FRMPD4: variants seen among roughly 807,000 people sequenced by gnomAD.
The protein encoded by FRMPD4 is FERM and PDZ domain-containing protein 4.
A neutral mutation model predicts 94.1 loss-of-function variants in FRMPD4; 22 were observed. The ratio of observed to expected loss-of-function variants is 0.23; its 90% CI spans 0.17 to 0.33. The LOEUF is 0.33. FRMPD4 is among the 10% of genes least tolerant of loss of function. The pLI is 1.00. For synonymous variants in FRMPD4, 631 were observed against 548.6 expected, an observed-to-expected ratio of 1.15 and a Z score of -2.10; for missense variants, 1,111 against 1,339.9, an observed-to-expected ratio of 0.83 and a Z score of 2.67.
intron 4 of FRMPD4, among the ~76,000 whole-genome samples, chrX:12,616,564 A>T (rs1221521253): frequency 8.9e-6 from 1 of 112,202 alleles, no homozygotes; most frequent in Non-Finnish European, 1.9e-5. Flanking sequence ...AGGAGCAGAC[A>T]CTGAGACTTG....
chrX:12,005,198 A>G (rs1274975241), intron 3 of FRMPD4, among the ~76,000 whole-genome samples: 1 of 108,967 alleles, frequency 9.2e-6, no homozygotes, highest in Non-Finnish European at 1.9e-5. Context: ...AGTGCTTAAG[A>G]ATCATCTGGA....
At chrX:12,141,219 C>T (rs1345888174) in intron 1 of FRMPD4, among the ~76,000 whole-genome samples, 1 of 111,834 alleles carries the variant, frequency 8.9e-6, no homozygotes, top group African/African-American at 3.3e-5. Flanking sequence ...GATAATCTTC[C>T]TAAAGGATTT....
rs1414955911 is a variant in FRMPD4, at chrX:12,274,995, C to A, written c.41+135983C>A. Among the ~76,000 whole-genome samples the A allele has an allele frequency of 2.9e-4, 33 of 112,007 alleles. No individual in the cohort carries two copies. The Admixed American group carries it at 3.1e-3, about 11-fold the overall frequency. ...CTGCACTCCAGCCCGGGCAACAGAG[C>A]GAGACTCCATCTCAAAAAAATAAAC... On this transcript the variant is annotated intron_variant, in intron 1 of 16. Coordinates refer to ENST00000675598, the MANE Select transcript of FRMPD4 (RefSeq NM_001368397.1).
chrX:12,656,095 C>T (rs1276981327), intron 4 of FRMPD4, among the ~76,000 whole-genome samples: 2 of 112,246 alleles, frequency 1.8e-5, no homozygotes, highest in East Asian at 5.5e-4. Context: ...ATCTCCACAT[C>T]CACTCAAGAA....
At chrX:12,599,502 A>G in intron 2 of FRMPD4, among the ~76,000 whole-genome samples, 1 of 111,931 alleles carries the variant, frequency 8.9e-6, no homozygotes, top group East Asian at 2.8e-4. Flanking sequence ...CTGTCTCTTC[A>G]TCACTCAAAC....
rs5979605 is a variant in FRMPD4 at position 12,348,274 on chromosome X, A to C, written c.42-150406A>C. ...AGCTGATGACCCTATTTAGATGTTCAGCATTCTCCATCCACTGAAGTCAAC... is the reference window on the plus strand; with the variant it reads ...AGCTGATGACCCTATTTAGATGTTCCGCATTCTCCATCCACTGAAGTCAAC... On this transcript the variant is annotated intron_variant, in intron 1 of 16. Coordinates refer to ENST00000675598, the MANE Select transcript of FRMPD4 (RefSeq NM_001368397.1). Among the ~76,000 whole-genome samples, 942 of 112,070 alleles carry C rather than the reference A, an allele frequency of 8.4e-3. 13 individuals are homozygous for C. Among genetic ancestry groups the C allele is most frequent in the African/African-American group, 0.029 (900 of 30,827 alleles).
At chrX:11,986,156 C>T (rs2054428298) in intron 3 of FRMPD4, among the ~76,000 whole-genome samples, 1 of 112,457 alleles carries the variant, frequency 8.9e-6, no homozygotes, top group Admixed American at 9.4e-5. Flanking sequence ...CACAGGGATG[C>T]TTGTGTCATG....
At chrX:12,655,099 T>C (rs2059639217) in intron 4 of FRMPD4, among the ~76,000 whole-genome samples, 1 of 112,638 alleles carries the variant, frequency 8.9e-6, no homozygotes, top group Non-Finnish European at 1.9e-5. Flanking sequence ...CTTGTTCTTA[T>C]ATTGTGATTG....
chrX:12,257,810 A>G (rs777597915), intron 1 of FRMPD4, among the ~76,000 whole-genome samples: 11 of 111,347 alleles, frequency 9.9e-5, no homozygotes, highest in African/African-American at 2.0e-4. Flanking sequence ...AAAAACATCT[A>G]TATATGCTTT....
chrX:12,047,369 A>T (rs1415875791), intron 3 of FRMPD4, among the ~76,000 whole-genome samples: 2 of 111,743 alleles, frequency 1.8e-5, no homozygotes, highest in Non-Finnish European at 3.8e-5. Context: ...TGTATTTCAG[A>T]ACTTATGATA....
At chrX:12,680,826 G>C (rs1051796696) in intron 5 of FRMPD4, among the ~76,000 whole-genome samples, 6 of 110,517 alleles carry the variant, frequency 5.4e-5, no homozygotes, top group Non-Finnish European at 1.1e-4. Flanking sequence ...TAGTACATAA[G>C]GTTATTTGCC....
At chrX:12,221,842 T>C (rs2056871918) in intron 1 of FRMPD4, among the ~76,000 whole-genome samples, 1 of 111,558 alleles carries the variant, frequency 9.0e-6, no homozygotes, top group African/African-American at 3.3e-5. Flanking sequence ...AATGATATAA[T>C]AGCGACATCA....
At chrX:11,885,762 A>G (rs770746250) in intron 3 of FRMPD4, among the ~76,000 whole-genome samples, 3 of 110,660 alleles carry the variant, frequency 2.7e-5, no homozygotes, top group Non-Finnish European at 3.8e-5. Context: ...TACTTAATGC[A>G]ATTTTATATC....
At position 12,364,287 on chromosome X, in the gene FRMPD4, G is replaced by A. The variant is rs145291498; in HGVS notation, c.42-134393G>A. On this transcript the variant is annotated intron_variant, in intron 1 of 16. Coordinates refer to ENST00000675598, the MANE Select transcript of FRMPD4 (RefSeq NM_001368397.1). Reference sequence around the variant, plus strand: ...GAGGGGGTCTATTACACCATGGTGGGGCATGTGGGAAAGCACCAGCATAGG... The same window carrying A: ...GAGGGGGTCTATTACACCATGGTGGAGCATGTGGGAAAGCACCAGCATAGG... Among the ~76,000 whole-genome samples, 944 of 111,576 alleles carry A rather than the reference G, an allele frequency of 8.5e-3. 5 individuals carry two copies. Among genetic ancestry groups the A allele is most frequent in the Non-Finnish European group, 0.011 (601 of 53,070 alleles).
intron 1 of FRMPD4, among the ~76,000 whole-genome samples, chrX:11,864,109 A>T (rs1187315277): frequency 9.0e-6 from 1 of 111,043 alleles, no homozygotes; most frequent in Non-Finnish European, 1.9e-5. Context: ...TATTAGAAGG[A>T]GATAATAGGC....
At chrX:11,955,940 T>TACA (rs2054254907) in intron 3 of FRMPD4, among the ~76,000 whole-genome samples, 1 of 111,459 alleles carries the variant, frequency 9.0e-6, no homozygotes, top group Non-Finnish European at 1.9e-5. Context: ...TTCAGGAAGT[T>TACA]TCTAACATGC....
intron 2 of FRMPD4, among the ~76,000 whole-genome samples, chrX:12,598,083 C>T (rs930286672): frequency 8.9e-6 from 1 of 111,911 alleles, no homozygotes. Context: ...ATAAACAAAT[C>T]CTAGTTGAAT....
chrX:12,057,620 C>T (rs2054861705), intron 3 of FRMPD4, among the ~76,000 whole-genome samples: 1 of 111,322 alleles, frequency 9.0e-6, no homozygotes, highest in African/African-American at 3.3e-5. Flanking sequence ...CACATTTATT[C>T]TCTGAATTTC....
chrX:11,999,914 A>G (rs1382893004), intron 3 of FRMPD4, among the ~76,000 whole-genome samples: 2 of 111,796 alleles, frequency 1.8e-5, no homozygotes, highest in Non-Finnish European at 1.9e-5. Flanking sequence ...AAAACGTAGT[A>G]TAGACGAGCC....
Sources: allele counts gnomAD v4.1 joint callset (sites outside exome capture counted in the v4.1 genomes callset), GRCh38; gene constraint gnomAD v4.1.1; transcripts MANE v1.5; gene names NCBI Gene and HGNC (gene_info 2026-07-23, HGNC 2026-07-21).